GUCY1A2: variants seen among roughly 807,000 people sequenced by gnomAD.
GUCY1A2 encodes the protein guanylate cyclase soluble subunit alpha-2.
GUCY1A2 carries 27 observed loss-of-function variants against 63.5 expected under a neutral mutation model. The ratio of observed to expected loss-of-function variants is 0.43; its 90% CI spans 0.31 to 0.59. The LOEUF (loss-of-function observed/expected upper bound fraction) is 0.59. GUCY1A2 is among the 20% of genes least tolerant of loss of function. GUCY1A2 has a pLI of 0.11. For synonymous variants in GUCY1A2, 364 were observed against 343.5 expected, an observed-to-expected ratio of 1.06 and a Z score of -0.66; for missense variants, 768 against 913.3, an observed-to-expected ratio of 0.84 and a Z score of 2.05.
At chr11:106,976,352 A>T (rs544030850) in intron 3 of GUCY1A2, among the ~76,000 whole-genome samples, 6 of 152,312 alleles carry the variant, frequency 3.9e-5, no homozygotes, top group African/African-American at 1.4e-4. Context: ...AATTTATGTC[A>T]TGCTTTTCTG....
At chr11:106,969,028 A>T (rs977558807) in intron 3 of GUCY1A2, among the ~76,000 whole-genome samples, 1 of 152,190 alleles carries the variant, frequency 6.6e-6, no homozygotes, top group Non-Finnish European at 1.5e-5. Context: ...AAAATTTAAC[A>T]TATGGAAATC....
At chr11:107,015,388 T>G (rs1248501490) in intron 1 of GUCY1A2, among the ~76,000 whole-genome samples, 2 of 152,064 alleles carry the variant, frequency 1.3e-5, no homozygotes, top group African/African-American at 4.8e-5. Flanking sequence ...AAATTTAACT[T>G]ATAAAAGTAA....
chr11:106,974,919 T>C (rs1861243043), intron 3 of GUCY1A2, among the ~76,000 whole-genome samples: 1 of 152,080 alleles, frequency 6.6e-6, no homozygotes, highest in Non-Finnish European at 1.5e-5. Flanking sequence ...AACCTGCAAA[T>C]CTTTATATGC....
At chr11:106,861,492 A>T (rs1487003509) in intron 4 of GUCY1A2, among the ~76,000 whole-genome samples, 1 of 151,908 alleles carries the variant, frequency 6.6e-6, no homozygotes, top group Non-Finnish European at 1.5e-5. Flanking sequence ...ATCAACTTTC[A>T]GTTCTGAAAT....
intron 4 of GUCY1A2, among the ~76,000 whole-genome samples, chr11:106,893,632 T>C (rs1194277523): frequency 2.0e-5 from 3 of 152,132 alleles, no homozygotes; most frequent in Admixed American, 6.5e-5. Flanking sequence ...AACTGAAAAA[T>C]TAGCAACTCT....
chr11:106,919,397 G>C (rs547785948), intron 4 of GUCY1A2, among the ~76,000 whole-genome samples: 77 of 152,174 alleles, frequency 5.1e-4, no homozygotes, highest in African/African-American at 1.5e-3. Context: ...ACAAAAAAAG[G>C]TATCTTGGTG....
chr11:106,706,385 T>C (rs980314979), intron 7 of GUCY1A2, among the ~76,000 whole-genome samples: 17 of 152,042 alleles, frequency 1.1e-4, no homozygotes, highest in African/African-American at 3.9e-4. Context: ...GGGGTGAAGG[T>C]GCAGAACAAT....
chr11:106,953,775 A>G (rs1413020760), intron 3 of GUCY1A2, among the ~76,000 whole-genome samples: 2 of 151,790 alleles, frequency 1.3e-5, no homozygotes, highest in African/African-American at 2.4e-5. Context: ...CCAGGAATTT[A>G]TCCATTTCTT....
intron 4 of GUCY1A2, among the ~76,000 whole-genome samples, chr11:106,823,310 T>TG (rs1858927071): frequency 1.3e-5 from 2 of 152,162 alleles, no homozygotes; most frequent in Non-Finnish European, 2.9e-5. Context: ...GTGTACCCAC[T>TG]GTTTAGTGCA....
intron 5 of GUCY1A2, among the ~76,000 whole-genome samples, chr11:106,795,595 A>G (rs1283928990): frequency 6.6e-6 from 1 of 151,668 alleles, no homozygotes; most frequent in Non-Finnish European, 1.5e-5. Flanking sequence ...CAGCAGTCTC[A>G]CAGCGATTTT....
chr11:106,767,567 A>C (rs1023496338), intron 6 of GUCY1A2, among the ~76,000 whole-genome samples: 1 of 152,140 alleles, frequency 6.6e-6, no homozygotes, highest in Non-Finnish European at 1.5e-5. Flanking sequence ...ATTATATAAA[A>C]TTGGAATCTT....
intron 6 of GUCY1A2, among the ~76,000 whole-genome samples, chr11:106,715,965 G>A (rs764627504): frequency 4.4e-4 from 67 of 152,216 alleles, no homozygotes; most frequent in Admixed American, 1.4e-3. Context: ...GACCCACTCT[G>A]GAGAATCAGT....
rs756498156 is a variant in GUCY1A2 at position 106,674,973 on chromosome 11, T to C, written c.*12576A>G. The C allele has an allele frequency of 1.1e-4, 24 of 214,266 alleles. No individual in the cohort carries two copies. Among genetic ancestry groups the C allele is most frequent in the Non-Finnish European group, 2.1e-4 (22 of 106,108 alleles). 13.3% of individuals were successfully genotyped at this position (214,266 alleles called of 1,614,324 possible). A position where few individuals can be genotyped will look rare whatever the true frequency, so the allele number is the denominator to read the frequency against. On this transcript the variant is annotated 3_prime_UTR_variant, in exon 8 of 8. Transcript: ENST00000526355. ...GTGCATTGGCTGTTTATTTTATGCA[T>C]TGAAGTGAGTATTAATAGGATTATT...
rs1862312430 is a variant in GUCY1A2 at position 106,674,457 on chromosome 11, T to C, written c.*13092A>G. On this transcript the variant is annotated 3_prime_UTR_variant, in exon 8 of 8. Transcript: ENST00000526355. ...ATCAGAAAAAGTTTCTTTAAACCTG[T>C]ACTACTAGATAAAGAAAAATATTTT... is the stretch of plus-strand genomic sequence containing the variant. 3 of 176,054 alleles carry C rather than the reference T, an allele frequency of 1.7e-5. No individual in the cohort carries two copies. In the South Asian group the frequency reaches 6.0e-4, roughly 35 times the overall value. 10.9% of individuals were successfully genotyped at this position (176,054 alleles called of 1,614,324 possible). A position where few individuals can be genotyped will look rare whatever the true frequency, so the allele number is the denominator to read the frequency against.
chr11:106,975,519 G>A lies in GUCY1A2; in HGVS notation c.487+3100C>T, dbSNP rs77278638. ...AACTCTAAAGTCCTCCAGCAGGGAGGGCACTGTCTACTATCTTTCTTTGCA... is the reference window on the plus strand; with the variant it reads ...AACTCTAAAGTCCTCCAGCAGGGAGAGCACTGTCTACTATCTTTCTTTGCA... On this transcript the variant is annotated intron_variant, in intron 3 of 7. Coordinates refer to ENST00000526355, the MANE Select transcript of GUCY1A2 (RefSeq NM_000855.3). Among the ~76,000 whole-genome samples the A allele has an allele frequency of 5.9e-3, 895 of 152,200 alleles. 7 individuals are homozygous for A. Among genetic ancestry groups the A allele is most frequent in the African/African-American group, 0.021 (864 of 41,532 alleles).
At chr11:106,883,883 C>A (rs1219988478) in intron 4 of GUCY1A2, among the ~76,000 whole-genome samples, 1 of 152,038 alleles carries the variant, frequency 6.6e-6, no homozygotes, top group Non-Finnish European at 1.5e-5. Context: ...AGTTCATGTC[C>A]TTTGTAGGGA....
chr11:106,914,139 T>G (rs1162546535), intron 4 of GUCY1A2, among the ~76,000 whole-genome samples: 1 of 151,914 alleles, frequency 6.6e-6, no homozygotes, highest in Non-Finnish European at 1.5e-5. Flanking sequence ...CAAGCAACTG[T>G]GTAGTAAGTA....
At chr11:106,937,820 A>G (rs1239404058) in intron 4 of GUCY1A2, among the ~76,000 whole-genome samples, 1 of 152,224 alleles carries the variant, frequency 6.6e-6, no homozygotes, top group Non-Finnish European at 1.5e-5. Context: ...CCAAACTGGA[A>G]TCCAGGTCTA....
intron 4 of GUCY1A2, among the ~76,000 whole-genome samples, chr11:106,850,061 G>A (rs562083802): frequency 7.9e-5 from 12 of 151,672 alleles, no homozygotes; most frequent in East Asian, 3.9e-4. Context: ...CCCTCCCTGC[G>A]TCAGTCATAG....
Sources: allele counts gnomAD v4.1 joint callset (sites outside exome capture counted in the v4.1 genomes callset), GRCh38; gene constraint gnomAD v4.1.1; transcripts MANE v1.5; gene names NCBI Gene and HGNC (gene_info 2026-07-23, HGNC 2026-07-21).